The following KCNIP4 variants were observed in gnomAD, a reference collection of about 807,000 sequenced individuals.
KCNIP4 encodes the protein potassium voltage-gated channel interacting protein 4, also known as Kv channel-interacting protein 4.
KCNIP4 carries 12 observed loss-of-function variants against 34.0 expected under a neutral mutation model. The ratio of observed to expected loss-of-function variants is 0.35; its 90% CI spans 0.23 to 0.57. The LOEUF is 0.57. KCNIP4 is among the 20% of genes least tolerant of loss of function. The pLI is 0.83. For synonymous variants in KCNIP4, 124 were observed against 102.2 expected (o/e 1.21, Z -1.29); for missense variants, 238 against 311.7 (o/e 0.76, Z 1.78).
intron 1 of KCNIP4, among the ~76,000 whole-genome samples, chr4:20,892,831 A>G (rs1726075689): frequency 1.3e-5 from 2 of 152,352 alleles, no homozygotes; most frequent in South Asian, 4.1e-4. Context: ...CTAGCAGAAA[A>G]CAACATGGAA....
intron 1 of KCNIP4, among the ~76,000 whole-genome samples, chr4:21,117,827 C>G: frequency 6.6e-6 from 1 of 152,210 alleles, no homozygotes; most frequent in East Asian, 1.9e-4. Context: ...GCGCTACAGG[C>G]AATTAGCACT....
At chr4:20,811,888 G>A (rs1470201916) in intron 3 of KCNIP4, among the ~76,000 whole-genome samples, 1 of 152,192 alleles carries the variant, frequency 6.6e-6, no homozygotes, top group Non-Finnish European at 1.5e-5. Context: ...GAAGTGGCTT[G>A]GATGGGCAGG....
intron 1 of KCNIP4, among the ~76,000 whole-genome samples, chr4:21,147,962 A>AAAAAG (rs1752497417): frequency 6.5e-5 from 8 of 123,922 alleles, no homozygotes; most frequent in African/African-American, 9.1e-5. Context: ...AAAAAAAAAG[A>AAAAAG]AAAAAAGTTC....
intron 1 of KCNIP4, among the ~76,000 whole-genome samples, chr4:21,036,384 C>T (rs1172209206): frequency 6.6e-6 from 1 of 152,096 alleles, no homozygotes; most frequent in Non-Finnish European, 1.5e-5. Context: ...TACGTAGATC[C>T]AATTTGGGGA....
intron 1 of KCNIP4, among the ~76,000 whole-genome samples, chr4:21,012,379 G>A (rs903976922): frequency 6.6e-6 from 1 of 152,092 alleles, no homozygotes; most frequent in African/African-American, 2.4e-5. Context: ...AGGAGTTCAA[G>A]ACCAGCCTGG....
At chr4:21,079,534 G>C (rs557509498) in intron 1 of KCNIP4, among the ~76,000 whole-genome samples, 51 of 150,076 alleles carry the variant, frequency 3.4e-4, no homozygotes, top group Non-Finnish European at 6.5e-4. Context: ...TCTCTTAATA[G>C]CTCCTTCTTT....
At chr4:20,778,575 T>G (rs181885321) in intron 3 of KCNIP4, among the ~76,000 whole-genome samples, 1 of 152,314 alleles carries the variant, frequency 6.6e-6, no homozygotes, top group African/African-American at 2.4e-5. Flanking sequence ...AAGATGATAC[T>G]ACTGGGGGAA....
At chr4:21,841,849 G>A (rs1723706928) in intron 1 of KCNIP4, among the ~76,000 whole-genome samples, 1 of 152,104 alleles carries the variant, frequency 6.6e-6, no homozygotes, top group Admixed American at 6.6e-5. Context: ...TTTCTTAAGA[G>A]TCAGTGCACT....
intron 1 of KCNIP4, among the ~76,000 whole-genome samples, chr4:21,755,348 A>G (rs1290939750): frequency 6.6e-6 from 1 of 152,216 alleles, no homozygotes; most frequent in Non-Finnish European, 1.5e-5. Context: ...AGTTAAATGA[A>G]TGACTCATTT....
At chr4:21,681,555 C>T (rs1750355325) in intron 1 of KCNIP4, among the ~76,000 whole-genome samples, 1 of 152,190 alleles carries the variant, frequency 6.6e-6, no homozygotes, top group African/African-American at 2.4e-5. Context: ...GATATGGCTT[C>T]TTCATGAACC....
intron 1 of KCNIP4, among the ~76,000 whole-genome samples, chr4:20,900,243 C>T (rs1459057151): frequency 6.6e-6 from 1 of 152,122 alleles, no homozygotes; most frequent in South Asian, 2.1e-4. Context: ...TATAACTAAA[C>T]ATTGAAAAAG....
chr4:21,464,736 CT>C (rs1359635857), intron 1 of KCNIP4: 1 of 152,064 alleles, frequency 6.6e-6, no homozygotes, highest in East Asian at 1.9e-4. Flanking sequence ...AAATAGAGGA[CT>C]TGAGCAACGC....
intron 2 of KCNIP4, among the ~76,000 whole-genome samples, chr4:20,854,158 A>G (rs1275360100): frequency 6.6e-6 from 1 of 152,198 alleles, no homozygotes. Flanking sequence ...CCAAAGGAAA[A>G]GAAGTCATTA....
At chr4:21,794,351 C>A (rs1720494608) in intron 1 of KCNIP4, among the ~76,000 whole-genome samples, 1 of 152,168 alleles carries the variant, frequency 6.6e-6, no homozygotes, top group East Asian at 1.9e-4. Context: ...TTAATTCTAT[C>A]CTGTCAGGGG....
intron 8 of KCNIP4, chr4:20,731,759 C>G (rs1748287901): frequency 1.0e-6 from 1 of 985,298 alleles, no homozygotes; most frequent in Non-Finnish European, 1.2e-6. Context: ...TGGGAATCAA[C>G]ACAGTACATG....
At chr4:21,475,833 T>G (rs754555317) in intron 1 of KCNIP4, among the ~76,000 whole-genome samples, 2 of 152,218 alleles carry the variant, frequency 1.3e-5, no homozygotes, top group South Asian at 4.1e-4. Flanking sequence ...TTCTGGATGA[T>G]GCAAAATCTA....
At chr4:21,010,064 T>A (rs1267016797) in intron 1 of KCNIP4, among the ~76,000 whole-genome samples, 1 of 152,164 alleles carries the variant, frequency 6.6e-6, no homozygotes, top group Non-Finnish European at 1.5e-5. Context: ...CCCTAATTAC[T>A]TCCCAAAGGA....
chr4:21,420,502 T>G (rs771661182), intron 1 of KCNIP4, among the ~76,000 whole-genome samples: 1 of 152,208 alleles, frequency 6.6e-6, no homozygotes, highest in Non-Finnish European at 1.5e-5. Flanking sequence ...ATCTTCCTAT[T>G]AGGGAGATTC....
chr4:20,755,252 A>G (rs1040611963), intron 4 of KCNIP4, among the ~76,000 whole-genome samples: 4 of 152,230 alleles, frequency 2.6e-5, no homozygotes, highest in African/African-American at 9.6e-5. Context: ...ACCGAAAACA[A>G]AAATTTGTTT....
Sources: gnomAD v4.1 joint callset for allele counts (sites outside exome capture counted in the v4.1 genomes callset) on GRCh38, gnomAD v4.1.1 for gene constraint, MANE v1.5 for transcripts, NCBI Gene and HGNC (gene_info 2026-07-23, HGNC 2026-07-21) for gene names.